NCAM1: variants seen among roughly 807,000 people sequenced by gnomAD.
NCAM1 encodes antigen recognized by monoclonal antibody 5.1H11.
In NCAM1, 14 loss-of-function variants were observed where a neutral mutation model predicts 109.8. The observed-to-expected ratio is 0.13, with a 90% CI of 0.08 to 0.20. NCAM1 has a LOEUF of 0.20. Ranked by LOEUF, NCAM1 falls within the 10% of genes least tolerant of loss-of-function variation. The pLI is 1.00. For missense variants in NCAM1, 774 were observed against 1,109.9 expected (o/e 0.70, Z 4.30); for synonymous variants, 418 against 442.9 (o/e 0.94, Z 0.70).
chr11:112,994,289 T>G (rs538087721), intron 1 of NCAM1, among the ~76,000 whole-genome samples: 2 of 152,234 alleles, frequency 1.3e-5, no homozygotes, highest in Non-Finnish European at 2.9e-5. Context: ...ACATTGTAAC[T>G]GGAAGGCATT....
chr11:113,115,315 A>G (rs1555094625), intron 1 of NCAM1, among the ~76,000 whole-genome samples: 2 of 152,220 alleles, frequency 1.3e-5, no homozygotes, highest in Admixed American at 1.3e-4. Flanking sequence ...ATGGAAAGAC[A>G]AAAGTTGAAC....
At chr11:113,202,477 A>G in intron 2 of NCAM1, 24 bp downstream of exon 2, 4 of 1,588,922 alleles carry the variant, frequency 2.5e-6, no homozygotes, top group South Asian at 1.2e-5. Context: ...GCTCAGCTGC[A>G]TTTTAGAACT....
intron 1 of NCAM1, among the ~76,000 whole-genome samples, chr11:112,991,499 G>C (rs550859486): frequency 1.4e-3 from 176 of 123,916 alleles, no homozygotes; most frequent in Middle Eastern, 3.8e-3. Context: ...CTAGTGCATG[G>C]CCTGAAAAGA....
chr11:113,023,175 TG>T (rs1441491463), intron 1 of NCAM1, among the ~76,000 whole-genome samples: 1 of 152,224 alleles, frequency 6.6e-6, no homozygotes, highest in Admixed American at 6.5e-5. Flanking sequence ...CTTTAAAAGA[TG>T]GCATCATAAG....
chr11:113,066,577 T>A (rs782366673), intron 1 of NCAM1, among the ~76,000 whole-genome samples: 4 of 152,180 alleles, frequency 2.6e-5, no homozygotes, highest in African/African-American at 4.8e-5. Context: ...AATCGCATAC[T>A]CCTTTAATCA....
chr11:113,225,302 C>G (rs538975985), intron 9 of NCAM1, among the ~76,000 whole-genome samples: 5 of 152,270 alleles, frequency 3.3e-5, no homozygotes, highest in African/African-American at 1.2e-4. Flanking sequence ...GCCTCACTAA[C>G]CAATTCGATC....
chr11:113,208,095 C>A, intron 7 of NCAM1, 93 bp downstream of exon 7: 1 of 1,378,702 alleles, frequency 7.3e-7, no homozygotes, highest in Non-Finnish European at 9.9e-7. Flanking sequence ...CACTGTCCCT[C>A]AGAACATAAC....
At chr11:113,075,897 A>G (rs1303049021) in intron 1 of NCAM1, among the ~76,000 whole-genome samples, 21 of 152,196 alleles carry the variant, frequency 1.4e-4, no homozygotes, top group Admixed American at 1.3e-3. Context: ...TCCTTGGCCA[A>G]TGGCCTGTGC....
At chr11:113,234,070 A>G (rs1028243671) in intron 13 of NCAM1, among the ~76,000 whole-genome samples, 3 of 151,990 alleles carry the variant, frequency 2.0e-5, no homozygotes, top group Admixed American at 6.6e-5. Flanking sequence ...TTCACTCAGA[A>G]TTAGTTCTGC....
intron 1 of NCAM1, among the ~76,000 whole-genome samples, chr11:113,155,783 C>G (rs1942388948): frequency 6.6e-6 from 1 of 152,110 alleles, no homozygotes; most frequent in Non-Finnish European, 1.5e-5. Flanking sequence ...TTCATGCCCT[C>G]TGCTCCTTGA....
At chr11:113,073,568 A>G (rs971290213) in intron 1 of NCAM1, among the ~76,000 whole-genome samples, 5 of 152,220 alleles carry the variant, frequency 3.3e-5, no homozygotes, top group African/African-American at 1.2e-4. Context: ...ATGTTTCTCA[A>G]TTTTTTACTT....
chr11:113,000,080 T>C (rs917840628), intron 1 of NCAM1, among the ~76,000 whole-genome samples: 17 of 152,046 alleles, frequency 1.1e-4, no homozygotes, highest in Non-Finnish European at 1.9e-4. Flanking sequence ...GGCCTGATAT[T>C]CTGCCACTGA....
intron 17 of NCAM1, chr11:113,264,150 C>G: frequency 1.0e-6 from 1 of 985,072 alleles, no homozygotes; most frequent in African/African-American, 1.7e-5. Flanking sequence ...CCTCCCTCCC[C>G]CCATTGTGGT....
At chr11:113,077,708 C>T (rs552707457) in intron 1 of NCAM1, among the ~76,000 whole-genome samples, 10 of 147,294 alleles carry the variant, frequency 6.8e-5, no homozygotes, top group Non-Finnish European at 1.0e-4. Flanking sequence ...TTTTTTGAGA[C>T]GGAGTCTTGG....
At chr11:113,153,800 C>G (rs1179708793) in intron 1 of NCAM1, among the ~76,000 whole-genome samples, 1 of 152,208 alleles carries the variant, frequency 6.6e-6, no homozygotes, top group South Asian at 2.1e-4. Context: ...ATCATTGTTT[C>G]TGGATTTGAA....
At chr11:113,077,262 G>A (rs781953770) in intron 1 of NCAM1, among the ~76,000 whole-genome samples, 2 of 152,170 alleles carry the variant, frequency 1.3e-5, no homozygotes, top group Non-Finnish European at 2.9e-5. Flanking sequence ...AGTTTTCCAA[G>A]GGAGTCCGTC....
At chr11:113,168,184 G>A (rs1555105585) in intron 1 of NCAM1, among the ~76,000 whole-genome samples, 1 of 152,146 alleles carries the variant, frequency 6.6e-6, no homozygotes, top group African/African-American at 2.4e-5. Flanking sequence ...GTTGCCTTGT[G>A]GAAAGGTGCT....
At chr11:113,023,119 A>G (rs938232858) in intron 1 of NCAM1, among the ~76,000 whole-genome samples, 1 of 152,228 alleles carries the variant, frequency 6.6e-6, no homozygotes, top group Admixed American at 6.5e-5. Flanking sequence ...CCCTGGCACA[A>G]CTGCTAGATA....
chr11:113,134,718 C>T (rs1472288324), intron 1 of NCAM1, among the ~76,000 whole-genome samples: 2 of 152,130 alleles, frequency 1.3e-5, no homozygotes, highest in East Asian at 3.9e-4. Flanking sequence ...CCCTGCAGTC[C>T]CCATCACCCT....
Sources: gnomAD v4.1 joint callset for allele counts (sites outside exome capture counted in the v4.1 genomes callset) on GRCh38, gnomAD v4.1.1 for gene constraint, MANE v1.5 for transcripts, NCBI Gene and HGNC (gene_info 2026-07-23, HGNC 2026-07-21) for gene names.